Variants in DOCK7 observed in about 807,000 individuals in gnomAD.
DOCK7 encodes dedicator of cytokinesis 7, also known as dedicator of cytokinesis protein 7.
DOCK7 carries 138 observed loss-of-function variants against 271.0 expected under a neutral mutation model. The observed-to-expected ratio is 0.51, with a 90% CI of 0.44 to 0.59. The LOEUF (loss-of-function observed/expected upper bound fraction) is 0.59, where lower values mean the gene tolerates loss of function less well. Among genes scored for constraint, DOCK7 ranks in the 20% least tolerant of loss-of-function variants. The pLI is 0.00. For missense variants in DOCK7, 2,066 were observed against 2,592.4 expected, an observed-to-expected ratio of 0.80 and a Z score of 4.41; for synonymous variants, 823 against 876.1, an observed-to-expected ratio of 0.94 and a Z score of 1.07.
Position 62,648,453 on chromosome 1 carries a change from C to T in DOCK7, c.481G>A (p.Asp161Asn), listed in dbSNP as rs1170427915. ...TAGCTGTTGCCATCTGGAGCTTCAT[C>T]AGATTCAAAAACTTGTTTTGGCAAA... ...KGLPKQVFES[D>N]EAPDGNSYQD... is the part of the protein sequence containing the mutation. Residue 161 changes from aspartate to asparagine, a missense_variant, in exon 5 of 50, where the codon GAT becomes AAT. Coordinates refer to ENST00000635253, the MANE Select transcript of DOCK7 (RefSeq NM_001367561.1). 2 of 1,550,214 alleles carry T rather than the reference C, an allele frequency of 1.3e-6. No individual in the cohort carries two copies. Among genetic ancestry groups the T allele is most frequent in the African/African-American group, 2.8e-5 (2 of 72,578 alleles).
chr1:62,522,921 CAG>C (rs1205993020), intron 31 of DOCK7, among the ~76,000 whole-genome samples: 1 of 151,752 alleles, frequency 6.6e-6, no homozygotes. Flanking sequence ...CGTTAGAAAA[CAG>C]AATTTTTGAA....
At chr1:62,604,782 T>C in intron 14 of DOCK7, 1 of 1,613,106 alleles carries the variant, frequency 6.2e-7, no homozygotes, top group Non-Finnish European at 8.5e-7. Flanking sequence ...AACCAAAATG[T>C]TGATCCATCC....
intron 12 of DOCK7, among the ~76,000 whole-genome samples, chr1:62,620,457 C>T (rs1408252135): frequency 6.6e-6 from 1 of 151,790 alleles, no homozygotes; most frequent in Non-Finnish European, 1.5e-5. Flanking sequence ...AAATATCATA[C>T]CAGTTTATTT....
At chr1:62,634,660 A>T in intron 9 of DOCK7, 113 bp downstream of exon 9, 1 of 1,135,632 alleles carries the variant, frequency 8.8e-7, no homozygotes, top group Admixed American at 2.3e-5. Context: ...AAAGAATATC[A>T]AGATGAAAAA....
intron 1 of DOCK7, among the ~76,000 whole-genome samples, chr1:62,666,291 G>A (rs1440903632): frequency 1.3e-5 from 2 of 152,266 alleles, no homozygotes; most frequent in South Asian, 2.1e-4. Context: ...GATTTCAGAT[G>A]TTAAAATGTG....
chr1:62,611,129 C>T (rs1651733817), intron 14 of DOCK7, among the ~76,000 whole-genome samples: 1 of 152,154 alleles, frequency 6.6e-6, no homozygotes, highest in South Asian at 2.1e-4. Flanking sequence ...ATGCTTATTA[C>T]TATTTAGAAA....
Position 62,648,203 on chromosome 1 carries a change from T to A in DOCK7, c.635A>T (p.Asp212Val). ...LPDALLPNLL[D>V]RTPNEEIDRQ... is the part of the protein sequence containing the mutation. Reference sequence around the variant, plus strand: ...GTCTATTTCTTCATTTGGAGTTCGATCAAGTAAATTGGGAAGCAAAGCATC... The same window carrying A: ...GTCTATTTCTTCATTTGGAGTTCGAACAAGTAAATTGGGAAGCAAAGCATC... The change falls in exon 6 of 50, where the codon GAT becomes GTT. Residue 212 changes from aspartate (D) to valine (V), a missense_variant. Asp to Val is a radical substitution (Grantham distance 152). Transcript: ENST00000635253. 6.2e-7 allele frequency: 1 copy of A among 1,613,740 alleles called. No individual in the cohort carries two copies. The highest frequency in any genetic ancestry group is 8.5e-7 in the Non-Finnish European group (1 of 1,179,774).
At chr1:62,620,117 T>C (rs1043392054) in intron 12 of DOCK7, 124 bp from the exon 13 acceptor site, 7 of 555,718 alleles carry the variant, frequency 1.3e-5, no homozygotes, top group Non-Finnish European at 2.1e-5. Flanking sequence ...GTCAAGAGTT[T>C]GAAACCAGCC....
chr1:62,633,359 C>G, intron 10 of DOCK7, 139 bp downstream of exon 10: 3 of 626,618 alleles, frequency 4.8e-6, no homozygotes. Context: ...AAATATAGTA[C>G]TAGTAAAATT....
intron 14 of DOCK7, chr1:62,598,575 G>A: frequency 1.5e-6 from 1 of 673,480 alleles, no homozygotes; most frequent in South Asian, 1.7e-5. Flanking sequence ...GGAAGGAATT[G>A]CCAATATTCA....
chr1:62,485,267 ACTC>A, intron 43 of DOCK7: 1 of 985,212 alleles, frequency 1.0e-6, no homozygotes, highest in Non-Finnish European at 1.2e-6. Flanking sequence ...CAGCCACATG[ACTC>A]CCGAAAGGTT....
intron 48 of DOCK7, among the ~76,000 whole-genome samples, chr1:62,472,274 T>A (rs1645854210): frequency 6.6e-6 from 1 of 152,110 alleles, no homozygotes; most frequent in Non-Finnish European, 1.5e-5. Context: ...TCGGCTAATT[T>A]TTGTATTTTT....
At chr1:62,487,784 TA>T (rs1157271613) in intron 42 of DOCK7, 2 of 180,684 alleles carry the variant, frequency 1.1e-5, no homozygotes, top group African/African-American at 4.7e-5. Flanking sequence ...CACAAATGGC[TA>T]AAAGTTTCTC....
chr1:62,634,868 G>C lies in DOCK7; in HGVS notation c.940C>G (p.Arg314Gly). ...ATGGCAGCAGGTGGTACATGTGGAC[G>C]TAACAACCCTTTCATCTGCTCAGAA... ...LNSEQMKGLL[R>G]PHVPPAAITT... Residue 314 changes from arginine (R) to glycine (G), a missense_variant, in exon 9 of 50, where the codon CGT (arginine) becomes GGT (glycine). Around this residue, in one of 2 missense-constraint regions of DOCK7, gnomAD observed 1,414 missense variants for 1,670.4 expected, o/e 0.85. Transcript: ENST00000635253. 1.9e-6 allele frequency: 3 copies of C among 1,612,250 alleles called. No individual in the cohort carries two copies. The highest frequency in any genetic ancestry group is 2.2e-5 in the East Asian group (1 of 44,756).
intron 1 of DOCK7, among the ~76,000 whole-genome samples, chr1:62,663,425 T>C (rs1658914635): frequency 1.3e-5 from 2 of 152,142 alleles, no homozygotes; most frequent in Admixed American, 1.3e-4. Flanking sequence ...GCTGCAACTA[T>C]AGAGCTGGCT....
At chr1:62,536,539 C>A (rs1645351509) in intron 28 of DOCK7, among the ~76,000 whole-genome samples, 1 of 152,124 alleles carries the variant, frequency 6.6e-6, no homozygotes, top group African/African-American at 2.4e-5. Flanking sequence ...AGATTAAGGG[C>A]ATGCTAGCCA....
chr1:62,463,858 G>A (rs1645598981), intron 48 of DOCK7, among the ~76,000 whole-genome samples: 1 of 152,036 alleles, frequency 6.6e-6, no homozygotes, highest in Non-Finnish European at 1.5e-5. Context: ...ACATAGGGAG[G>A]GGATCTCAAA....
Position 62,636,561 on chromosome 1 carries a change from T to C in DOCK7, c.861A>G (p.Leu287=), listed in dbSNP as rs372946718. 3 of 1,603,416 alleles carry C rather than the reference T, an allele frequency of 1.9e-6. No homozygotes were observed. The highest frequency in any genetic ancestry group is 2.6e-6 in the Non-Finnish European group (3 of 1,173,438). ...EIEPIFASLA[L]YDVKEKKKIS... is the part of the protein sequence containing the mutation. Reference sequence around the variant, plus strand: ...CCTTTTTCTTTTCCTTGACATCATATAAAGCCAAACTTGCAAAAATGGGTT... The same window carrying C: ...CCTTTTTCTTTTCCTTGACATCATACAAAGCCAAACTTGCAAAAATGGGTT... Residue 287 remains leucine, a synonymous_variant, in exon 8 of 50, where the codon TTA becomes TTG. Transcript: ENST00000635253.
chr1:62,541,196 T>C (rs1645518825), intron 25 of DOCK7, among the ~76,000 whole-genome samples: 1 of 151,826 alleles, frequency 6.6e-6, no homozygotes, highest in Non-Finnish European at 1.5e-5. Context: ...CTGAAATGCC[T>C]GAGTTTTAAT....
Sources: allele counts gnomAD v4.1 joint callset (sites outside exome capture counted in the v4.1 genomes callset), GRCh38; gene constraint gnomAD v4.1.1; regional missense constraint gnomAD v4.1.1; transcripts MANE v1.5; gene names NCBI Gene and HGNC (gene_info 2026-07-23, HGNC 2026-07-21).